EIF2AK2: variants seen among roughly 807,000 people sequenced by gnomAD.
EIF2AK2 encodes the protein eukaryotic translation initiation factor 2 alpha kinase 2, also known as interferon-induced, double-stranded RNA-activated protein kinase.
In EIF2AK2, 40 loss-of-function variants were observed where a neutral mutation model predicts 70.5. That is an observed-to-expected ratio of 0.57 (90% CI 0.44 to 0.74). The LOEUF (loss-of-function observed/expected upper bound fraction) is 0.74. EIF2AK2 is among the 30% of genes least tolerant of loss of function. The pLI, the probability that EIF2AK2 is intolerant of heterozygous loss-of-function variation, is 0.00. For missense variants in EIF2AK2, 555 were observed against 644.3 expected (o/e 0.86, Z 1.50); for synonymous variants, 198 against 220.9 (o/e 0.90, Z 0.92).
intron 9 of EIF2AK2, chr2:37,136,764 G>A (rs1193588452): frequency 2.8e-6 from 1 of 354,138 alleles, no homozygotes; most frequent in Non-Finnish European, 5.2e-6. Context: ...AATTACTCTA[G>A]CGATACCCCC....
intron 15 of EIF2AK2, among the ~76,000 whole-genome samples, chr2:37,108,563 A>T (rs1674040071): frequency 6.6e-6 from 1 of 152,084 alleles, no homozygotes; most frequent in Non-Finnish European, 1.5e-5. Flanking sequence ...CCTTGAGAAC[A>T]AGGCTTTATT....
intron 6 of EIF2AK2, among the ~76,000 whole-genome samples, chr2:37,139,087 G>T (rs1427445294): frequency 1.3e-5 from 2 of 151,890 alleles, no homozygotes; most frequent in East Asian, 3.9e-4. Context: ...GGAGGCTGAG[G>T]TGGGTGGATC....
At chr2:37,143,919 T>C (rs577812388) in intron 4 of EIF2AK2, among the ~76,000 whole-genome samples, 2 of 152,130 alleles carry the variant, frequency 1.3e-5, no homozygotes, top group South Asian at 2.1e-4. Context: ...AAAAACTATT[T>C]ACATAGCATT....
At chr2:37,121,831 G>C (rs930484490) in intron 12 of EIF2AK2, among the ~76,000 whole-genome samples, 9 of 152,010 alleles carry the variant, frequency 5.9e-5, no homozygotes, top group Non-Finnish European at 1.0e-4. Flanking sequence ...GATGGAGGTG[G>C]GGCAGGAGAA....
chr2:37,116,276 G>T (rs1267159603), intron 13 of EIF2AK2, among the ~76,000 whole-genome samples: 4 of 152,010 alleles, frequency 2.6e-5, no homozygotes, highest in Non-Finnish European at 5.9e-5. Flanking sequence ...ATGGATTTCA[G>T]TGGCATGATC....
At chr2:37,135,143 G>C (rs933151729) in intron 10 of EIF2AK2, among the ~76,000 whole-genome samples, 1 of 152,124 alleles carries the variant, frequency 6.6e-6, no homozygotes, top group Non-Finnish European at 1.5e-5. Flanking sequence ...GCTGAAAAAA[G>C]GGACCTCTGC....
Position 37,139,679 on chromosome 2 carries a change from C to CA in EIF2AK2, c.467dup (p.Leu156PhefsTer4). On this transcript the variant is annotated frameshift_variant, in exon 6 of 17. Coordinates refer to ENST00000233057, the MANE Select transcript of EIF2AK2 (RefSeq NM_001135651.3). LOFTEE classifies it high-confidence loss of function. Reference sequence around the variant, plus strand: ...TCTGAAGATATGCAAGTTTAGCGGCCAATTGTTTTGCTTCCTGTTTAGTAG... The same window carrying CA: ...TCTGAAGATATGCAAGTTTAGCGGCCAAATTGTTTTGCTTCCTGTTTAGTAG... The CA allele has an allele frequency of 6.2e-7, 1 of 1,614,036 alleles. No homozygotes were observed. The highest frequency in any genetic ancestry group is 1.1e-5 in the South Asian group (1 of 91,078).
chr2:37,135,046 G>C (rs1295489490), intron 10 of EIF2AK2, among the ~76,000 whole-genome samples: 1 of 152,164 alleles, frequency 6.6e-6, no homozygotes, highest in Non-Finnish European at 1.5e-5. Flanking sequence ...AGAAGATATA[G>C]CCTGAAGCAT....
intron 1 of EIF2AK2, among the ~76,000 whole-genome samples, chr2:37,149,679 A>T (rs1057013328): frequency 4.6e-5 from 7 of 152,206 alleles, no homozygotes. Flanking sequence ...AATTTTAGGT[A>T]GCACAGTATA....
rs1674491058 is a variant in EIF2AK2, at chr2:37,120,280, G to C, written c.1068-141C>G. 3 of 457,544 alleles carry C rather than the reference G, an allele frequency of 6.6e-6. No individual in the cohort carries two copies. The South Asian group carries it at 3.2e-4, about 49-fold the overall frequency. The allele number at this position is 457,544 out of a possible 1,614,324, so 28.3% of individuals were successfully genotyped here. ...TAAGAACCCCAAAAACACTTTGGGA[G>C]GCCGAGGCGGGCGGATCACGAGGTC... On this transcript the variant is annotated intron_variant, in intron 12 of 16. Coordinates refer to ENST00000233057, the MANE Select transcript of EIF2AK2 (RefSeq NM_001135651.3).
chr2:37,124,050 C>T (rs913194882), intron 11 of EIF2AK2, among the ~76,000 whole-genome samples: 16 of 151,576 alleles, frequency 1.1e-4, no homozygotes, highest in African/African-American at 2.7e-4. Context: ...TCACTGCAAC[C>T]TCCACCCCTA....
intron 1 of EIF2AK2, among the ~76,000 whole-genome samples, chr2:37,150,598 C>G (rs775004812): frequency 1.3e-5 from 2 of 152,032 alleles, no homozygotes; most frequent in Admixed American, 6.6e-5. Context: ...CGCTTGTAGC[C>G]GGGAACAACA....
chr2:37,145,281 T>C (rs557109247), intron 4 of EIF2AK2, among the ~76,000 whole-genome samples: 1 of 151,856 alleles, frequency 6.6e-6, no homozygotes, highest in East Asian at 1.9e-4. Context: ...TAGCCGGAAT[T>C]ATAGGTGCCC....
rs1673923389 is a variant in EIF2AK2, at chr2:37,105,184, T to C, written c.*2089A>G. 2.0e-5 allele frequency: 3 copies of C among 151,930 alleles called. No individual in the cohort carries two copies. In the South Asian group the frequency reaches 6.2e-4, roughly 32 times the overall value. The allele number at this position is 151,930 out of a possible 1,614,324, so 9.4% of individuals were successfully genotyped here. On this transcript the variant is annotated 3_prime_UTR_variant, in exon 17 of 17. Transcript: ENST00000233057. ...GCCCTTTTTAAAAATCCTAAAATCA[T>C]ATGGCAGTTTTAGAATGGTAGCTGG...
chr2:37,141,829 A>G (rs963428962), intron 4 of EIF2AK2, 128 bp from the exon 5 acceptor site: 2 of 1,033,544 alleles, frequency 1.9e-6, no homozygotes, highest in Non-Finnish European at 2.7e-6. Context: ...ATATTTTCCT[A>G]TTATATTACC....
chr2:37,115,613 T>G (rs577468788), intron 13 of EIF2AK2, among the ~76,000 whole-genome samples: 1 of 152,266 alleles, frequency 6.6e-6, no homozygotes. Flanking sequence ...GAGGAAATGT[T>G]GCAAATATGA....
chr2:37,144,674 C>CT (rs755990737), intron 4 of EIF2AK2, among the ~76,000 whole-genome samples: 28 of 151,262 alleles, frequency 1.9e-4, no homozygotes, highest in Non-Finnish European at 1.9e-4. Context: ...GCCCTGACCT[C>CT]TCAGGCACGT....
At chr2:37,134,177 C>T (rs1277565817) in intron 10 of EIF2AK2, among the ~76,000 whole-genome samples, 1 of 152,200 alleles carries the variant, frequency 6.6e-6, no homozygotes, top group Non-Finnish European at 1.5e-5. Flanking sequence ...AGCTGACAGT[C>T]TGGTTGGCGA....
chr2:37,105,101 G>A lies in EIF2AK2; in HGVS notation c.*2172C>T, dbSNP rs994759711. Reference sequence around the variant, plus strand: ...CTGCTCTTTATGAACACTTTTTAAAGCCTTTATAAAACTATTTTCTCTTAC... The same window carrying A: ...CTGCTCTTTATGAACACTTTTTAAAACCTTTATAAAACTATTTTCTCTTAC... On this transcript the variant is annotated 3_prime_UTR_variant, in exon 17 of 17. Coordinates refer to ENST00000233057, the MANE Select transcript of EIF2AK2 (RefSeq NM_001135651.3). 6.6e-6 allele frequency: 1 copy of A among 152,184 alleles called. No homozygotes were observed. Among genetic ancestry groups the A allele is most frequent in the African/African-American group, 2.4e-5 (1 of 41,432 alleles). The allele number at this position is 152,184 out of a possible 1,614,324, so 9.4% of individuals were successfully genotyped here.
Sources: allele counts gnomAD v4.1 joint callset (sites outside exome capture counted in the v4.1 genomes callset), GRCh38; gene constraint gnomAD v4.1.1; transcripts MANE v1.5; gene names NCBI Gene and HGNC (gene_info 2026-07-23, HGNC 2026-07-21).